Variants in JAG1 observed in about 807,000 individuals in gnomAD.
JAG1 encodes jagged canonical Notch ligand 1.
Under a neutral mutation model 148.7 loss-of-function variants are expected in JAG1, and 23 were observed. The observed-to-expected ratio is 0.15, with a 90% CI of 0.11 to 0.22. The LOEUF is 0.22. Among genes scored for constraint, JAG1 ranks in the 10% least tolerant of loss-of-function variants. The pLI is 1.00. For missense variants in JAG1, 1,054 were observed against 1,611.2 expected, an observed-to-expected ratio of 0.65 and a Z score of 5.92; for synonymous variants, 572 against 598.3, an observed-to-expected ratio of 0.96 and a Z score of 0.64.
rs2067515616 is a variant in JAG1, at chr20:10,673,740, C to T, written c.-210G>A. The T allele has an allele frequency of 4.0e-6, 1 of 252,044 alleles. No homozygotes were observed. Among genetic ancestry groups the T allele is most frequent in the Non-Finnish European group, 7.4e-6 (1 of 134,786 alleles). The allele number at this position is 252,044 out of a possible 1,614,324, so 15.6% of individuals were successfully genotyped here. ...CGTTCCAGAAGGCAAAGAGCCCGGC[C>T]TCCTTTTATTATTCTGATCGCTTCT... On this transcript the variant is annotated 5_prime_UTR_variant, in exon 1 of 26. Transcript: ENST00000254958. The surrounding 1 kb of genome is among the most constrained non-coding windows in gnomAD (Gnocchi z 4.7).
Position 10,640,037 on chromosome 20 carries a change from G to A in JAG1, c.3200-82C>T, listed in dbSNP as rs987548631. The A allele has an allele frequency of 3.6e-6, 4 of 1,107,198 alleles. No homozygotes were observed. The African/African-American group carries it at 4.6e-5, about 13-fold the overall frequency. The allele number at this position is 1,107,198 out of a possible 1,614,324, so 68.6% of individuals were successfully genotyped here. A position where few individuals can be genotyped will look rare whatever the true frequency, so the allele number is the denominator to read the frequency against. On this transcript the variant is annotated intron_variant, in intron 25 of 25. Transcript: ENST00000254958. Reference sequence around the variant, plus strand: ...TCGCAGGAACAAAAGAATACCAACAGTGGTTCTCCTGCCCTTTATCCCTAA... The same window carrying A: ...TCGCAGGAACAAAAGAATACCAACAATGGTTCTCCTGCCCTTTATCCCTAA...
chr20:10,651,870 G>T (rs564306991), intron 7 of JAG1, among the ~76,000 whole-genome samples, 176 bp from the exon 8 acceptor site: 7 of 152,134 alleles, frequency 4.6e-5, no homozygotes, highest in Admixed American at 3.3e-4. Flanking sequence ...CATCTTTCTC[G>T]CTGAGCTGTC....
At chr20:10,669,493 G>A (rs1488128443) in intron 2 of JAG1, among the ~76,000 whole-genome samples, 1 of 136,404 alleles carries the variant, frequency 7.3e-6, no homozygotes, top group African/African-American at 2.8e-5. Flanking sequence ...GAAGCATGAA[G>A]GGGGCCAAAG....
chr20:10,672,675 G>C (rs749326736), intron 2 of JAG1, 26 bp downstream of exon 2: 2 of 1,609,358 alleles, frequency 1.2e-6, no homozygotes, highest in South Asian at 2.2e-5. Context: ...GGCTCCGCCC[G>C]GCCTCCTTCC....
rs73075346 is a variant in JAG1, at chr20:10,646,580, C to T, written c.1885+359G>A. The stretch of plus-strand genomic sequence containing the variant: ...CACTTTGGGAGGCCAAGTTGGGGGT[C>T]GGGGGGTGGATCATCTGAGGCTGGG... On this transcript the variant is annotated intron_variant, in intron 14 of 25. Coordinates refer to ENST00000254958, the MANE Select transcript of JAG1 (RefSeq NM_000214.3). Among the ~76,000 whole-genome samples the T allele has an allele frequency of 4.6e-5, 7 of 150,558 alleles. No individual in the cohort carries two copies. In the East Asian group the frequency reaches 5.8e-4, roughly 13 times the overall value.
intron 20 of JAG1, among the ~76,000 whole-genome samples, chr20:10,643,067 C>T (rs1187556413): frequency 1.3e-5 from 2 of 152,236 alleles, no homozygotes; most frequent in Non-Finnish European, 2.9e-5. Context: ...GGATACGGCC[C>T]CTGGGCCACA....
Position 10,648,041 on chromosome 20 carries a change from A to C in JAG1, c.1639T>G (p.Tyr547Asp). 1 of 1,614,182 alleles carries C rather than the reference A, an allele frequency of 6.2e-7. No individual in the cohort carries two copies. Among genetic ancestry groups the C allele is most frequent in the Non-Finnish European group, 8.5e-7 (1 of 1,180,018 alleles). The change falls in exon 13 of 26, where the codon TAT becomes GAT. Residue 547 changes from tyrosine to aspartate, a missense_variant. Around this residue, in one of 6 missense-constraint regions of JAG1, gnomAD observed 245 missense variants for 373.1 expected, o/e 0.66. Coordinates refer to ENST00000254958, the MANE Select transcript of JAG1 (RefSeq NM_000214.3). ...GAQCYNRASD[Y>D]FCKCPEDYEG... Reference sequence around the variant, plus strand: ...TAGTCCTCGGGGCACTTGCAGAAATAGTCACTGGCACGGTTGTAGCACTGG... The same window carrying C: ...TAGTCCTCGGGGCACTTGCAGAAATCGTCACTGGCACGGTTGTAGCACTGG...
chr20:10,641,972 T>C, intron 21 of JAG1, 80 bp from the exon 22 acceptor site: 1 of 900,032 alleles, frequency 1.1e-6, no homozygotes, highest in East Asian at 2.4e-5. Flanking sequence ...TGTTATGAAA[T>C]GGTTATGCCT....
At position 10,656,487 on chromosome 20, in the gene JAG1, C is replaced by T. The variant is rs745849306; in HGVS notation, c.695-29G>A. The T allele has an allele frequency of 3.1e-6, 5 of 1,600,874 alleles. No homozygotes were observed. In the African/African-American group the frequency reaches 5.4e-5, roughly 17 times the overall value. ...TAAAAAACAGAGAAGGGCGTGTCAG[C>T]ACACTGCCTGTTCCTTGCATCGCCC... On this transcript the variant is annotated intron_variant, in intron 4 of 25. Coordinates refer to ENST00000254958, the MANE Select transcript of JAG1 (RefSeq NM_000214.3).
chr20:10,650,433 C>T (rs1233051956), intron 8 of JAG1, 73 bp from the exon 9 acceptor site: 3 of 842,792 alleles, frequency 3.6e-6, no homozygotes, highest in African/African-American at 1.7e-5. Context: ...TTAACATCAC[C>T]TCTTACATGA....
chr20:10,648,794 G>A (rs56190249), intron 11 of JAG1, 72 bp from the exon 12 acceptor site: 25 of 1,431,280 alleles, frequency 1.7e-5, no homozygotes, highest in East Asian at 4.6e-5. Context: ...GGGCTTCAGC[G>A]GTTTAGCATG....
In JAG1 at chr20:10,641,248, A is replaced by G; in HGVS notation, c.2917-4T>C. ...AAATGTGCTCCGTAGTAAGACCCTA[A>G]AACGATTTTTAAAAACCCACACACG... On this transcript the variant is annotated splice_region_variant and splice_polypyrimidine_tract_variant and intron_variant, in intron 23 of 25. Coordinates refer to ENST00000254958, the MANE Select transcript of JAG1 (RefSeq NM_000214.3). 6.2e-7 allele frequency: 1 copy of G among 1,613,780 alleles called. No homozygotes were observed. The highest frequency in any genetic ancestry group is 2.2e-5 in the East Asian group (1 of 44,840).
rs777956760 is a variant in JAG1 at position 10,652,223 on chromosome 20, G to C, written c.914C>G (p.Pro305Arg). 6.2e-7 allele frequency: 1 copy of C among 1,613,850 alleles called. No individual in the cohort carries two copies. The highest frequency in any genetic ancestry group is 8.5e-7 in the Non-Finnish European group (1 of 1,179,926). Residue 305 changes from proline to arginine, a missense_variant, in exon 7 of 26, where the codon CCG becomes CGG. This residue lies in a region of JAG1 where 104 missense variants were observed against 235.2 expected (regional missense o/e 0.44). Coordinates refer to ENST00000254958, the MANE Select transcript of JAG1 (RefSeq NM_000214.3). Reference protein sequence around the residue: ...KDLNYCGTHQPCLNGGTCSNT... With the variant: ...KDLNYCGTHQRCLNGGTCSNT... The stretch of plus-strand genomic sequence containing the variant: ...GCTACAAGTTCCCCCGTTGAGACAC[G>C]GCTGATGAGTCCCACAGTAATTGAG...
At position 10,648,598 on chromosome 20, in the gene JAG1, T is replaced by C; in HGVS notation, c.1520A>G (p.Asn507Ser). 1 of 1,614,088 alleles carries C rather than the reference T, an allele frequency of 6.2e-7. No individual in the cohort carries two copies. Among genetic ancestry groups the C allele is most frequent in the Non-Finnish European group, 8.5e-7 (1 of 1,180,018 alleles). Reference protein sequence around the residue: ...LNGGHCQNEINRFQCLCPTGF... With the variant: ...LNGGHCQNEISRFQCLCPTGF... The stretch of plus-strand genomic sequence containing the variant: ...AGTGGGACACAGACACTGGAATCTG[T>C]TGATTTCATTCTGACAGTGACCCCC... Residue 507 changes from asparagine to serine, a missense_variant, in exon 12 of 26, where the codon AAC (asparagine) becomes AGC (serine). Asn to Ser is a conservative substitution (Grantham distance 46). Transcript: ENST00000254958.
At chr20:10,647,216 T>G (rs1242786451) in intron 13 of JAG1, 113 bp from the exon 14 acceptor site, 1 of 1,246,772 alleles carries the variant, frequency 8.0e-7, no homozygotes, top group Admixed American at 1.8e-5. Context: ...CTCTGGCTAA[T>G]GAGACACACC....
At position 10,669,547 on chromosome 20, in the gene JAG1, C is replaced by CAAAAAAA. The variant is rs56122797; in HGVS notation, c.387+3147_387+3153dup. Among the ~76,000 whole-genome samples the CAAAAAAA allele has an allele frequency of 2.3e-3, 103 of 44,188 alleles. 28 individuals are homozygous for CAAAAAAA. The highest frequency in any genetic ancestry group is 4.9e-3 in the African/African-American group (56 of 11,542). The allele number at this position is 44,188 out of a possible 152,430, so 29.0% of individuals were successfully genotyped here. Reference sequence around the variant, plus strand: ...AAGAATCACGTTTCATTGGATTTTCCAAAAAAAAAAAAAAAAAAAAAAAAA... The same window carrying CAAAAAAA: ...AAGAATCACGTTTCATTGGATTTTCCAAAAAAAAAAAAAAAAAAAAAAAAAAAAAAAA... On this transcript the variant is annotated intron_variant, in intron 2 of 25. Coordinates refer to ENST00000254958, the MANE Select transcript of JAG1 (RefSeq NM_000214.3).
intron 2 of JAG1, among the ~76,000 whole-genome samples, chr20:10,665,736 T>C (rs1028497848): frequency 6.6e-6 from 1 of 152,196 alleles, no homozygotes; most frequent in African/African-American, 2.4e-5. Context: ...AATGCATTGA[T>C]ACCAGGAGTT....
intron 24 of JAG1, 44 bp downstream of exon 24, chr20:10,641,069 G>C: frequency 6.2e-7 from 1 of 1,613,640 alleles, no homozygotes; most frequent in Non-Finnish European, 8.5e-7. Flanking sequence ...TAACCGAACT[G>C]CCTTGCCATC....
At position 10,673,657 on chromosome 20, in the gene JAG1, T is replaced by A; in HGVS notation, c.-127A>T. 3.1e-6 allele frequency: 1 copy of A among 327,168 alleles called. No homozygotes were observed. 20.3% of individuals were successfully genotyped at this position (327,168 alleles called of 1,614,324 possible). ...CCCGGCTCTAATATACTCCGCCGAT[T>A]GGAGCATGCACGACTGGAAAACAAC... On this transcript the variant is annotated 5_prime_UTR_variant, in exon 1 of 26. Coordinates refer to ENST00000254958, the MANE Select transcript of JAG1 (RefSeq NM_000214.3). This position sits in a 1 kb window ranked among gnomAD's most constrained non-coding sequence, Gnocchi z 4.7.
Sources: allele counts gnomAD v4.1 joint callset (sites outside exome capture counted in the v4.1 genomes callset), GRCh38; gene constraint gnomAD v4.1.1; regional missense constraint gnomAD v4.1.1; non-coding constraint Gnocchi (gnomAD v3.1); transcripts MANE v1.5; gene names NCBI Gene and HGNC (gene_info 2026-07-23, HGNC 2026-07-21).